The following IL34 variants were observed in gnomAD, a reference collection of about 807,000 sequenced individuals.
IL34 encodes the protein interleukin-34.
Under a neutral mutation model 25.3 loss-of-function variants are expected in IL34, and 17 were observed. The ratio of observed to expected loss-of-function variants is 0.67; its 90% CI spans 0.46 to 1.01. IL34 has a LOEUF of 1.01. Ranked by LOEUF, IL34 falls within the 50% of genes least tolerant of loss-of-function variation. The probability of loss-of-function intolerance (pLI) is 0.00; values close to 1 mark genes in which losing one functional copy is unlikely to be tolerated. For missense variants in IL34, 368 were observed against 312.9 expected (o/e 1.18, Z -1.33); for synonymous variants, 174 against 140.9 (o/e 1.23, Z -1.66).
At chr16:70,626,339 C>T (rs1052621956) in intron 1 of IL34, among the ~76,000 whole-genome samples, 14 of 152,032 alleles carry the variant, frequency 9.2e-5, no homozygotes, top group Non-Finnish European at 1.2e-4. Context: ...AATGTTTAAT[C>T]ATAGGTACCA....
At chr16:70,640,094 A>G (rs1271987309) in intron 1 of IL34, among the ~76,000 whole-genome samples, 1 of 152,212 alleles carries the variant, frequency 6.6e-6, no homozygotes, top group Non-Finnish European at 1.5e-5. Flanking sequence ...ATCATGATCA[A>G]GTATTAGGTA....
chr16:70,641,027 G>A lies in IL34; in HGVS notation c.-400-5521G>A, dbSNP rs888183541. 2.0e-5 allele frequency among the ~76,000 whole-genome samples: 3 copies of A among 152,044 alleles called. No homozygotes were observed. In the South Asian group the frequency reaches 6.2e-4, roughly 31 times the overall value. On this transcript the variant is annotated intron_variant, in intron 1 of 6. Transcript: ENST00000429149. ...TGGCTCACACCTGTAATCCCAGCACGTTGGGAGGCCGAGGCAGGCAGATCA... is the reference window on the plus strand; with the variant it reads ...TGGCTCACACCTGTAATCCCAGCACATTGGGAGGCCGAGGCAGGCAGATCA...
chr16:70,616,646 T>A (rs988963409), intron 1 of IL34, among the ~76,000 whole-genome samples: 1 of 152,128 alleles, frequency 6.6e-6, no homozygotes, highest in African/African-American at 2.4e-5. Context: ...GGCGGTGAAG[T>A]TAAGAGCAAT....
At chr16:70,595,382 G>C (rs1009757692) in intron 1 of IL34, among the ~76,000 whole-genome samples, 6 of 151,738 alleles carry the variant, frequency 4.0e-5, no homozygotes, top group African/African-American at 1.5e-4. Flanking sequence ...ACCCTGGCTG[G>C]AGTACATGAC....
intron 1 of IL34, among the ~76,000 whole-genome samples, chr16:70,618,781 A>T (rs1389615220): frequency 6.6e-6 from 1 of 152,068 alleles, no homozygotes; most frequent in Non-Finnish European, 1.5e-5. Context: ...AGAGATAGGT[A>T]ACAGATGAGG....
intron 1 of IL34, among the ~76,000 whole-genome samples, chr16:70,630,638 A>G (rs1200462626): frequency 6.6e-6 from 1 of 150,444 alleles, no homozygotes; most frequent in Non-Finnish European, 1.5e-5. Context: ...GATCAGTGCA[A>G]TCATGGCTCA....
At chr16:70,645,650 C>T (rs927109513), upstream of IL34, among the ~76,000 whole-genome samples, 6 of 152,192 alleles carry the variant, frequency 3.9e-5, no homozygotes, top group South Asian at 2.1e-4. Context: ...TCTTACAAGC[C>T]GTATGACCTT....
intron 1 of IL34, among the ~76,000 whole-genome samples, chr16:70,614,130 G>T (rs1028019621): frequency 6.6e-6 from 1 of 151,020 alleles, no homozygotes; most frequent in Non-Finnish European, 1.5e-5. Flanking sequence ...GCTGTTGTGA[G>T]CTGTGATCAT....
Position 70,630,207 on chromosome 16 carries a change from T to G in IL34, c.-400-16341T>G, listed in dbSNP as rs143546986. On this transcript the variant is annotated intron_variant, in intron 1 of 6. Transcript: ENST00000429149. ...CTTTTAATGGCTGAATAGTACTCCA[T>G]TCTGTATATGTTCTACATTTTCTTT... Among the ~76,000 whole-genome samples, 582 of 152,354 alleles carry G rather than the reference T, an allele frequency of 3.8e-3. 1 individual carries two copies. The highest frequency in any genetic ancestry group is 5.7e-3 in the Non-Finnish European group (385 of 68,028).
chr16:70,609,675 A>T (rs1783221793), intron 1 of IL34, among the ~76,000 whole-genome samples: 1 of 152,040 alleles, frequency 6.6e-6, no homozygotes, highest in African/African-American at 2.4e-5. Context: ...TACAGCCTGG[A>T]GGTGTATGGC....
intron 1 of IL34, among the ~76,000 whole-genome samples, chr16:70,617,346 A>T (rs1335629395): frequency 6.6e-6 from 1 of 152,228 alleles, no homozygotes; most frequent in Non-Finnish European, 1.5e-5. Flanking sequence ...CAGTTTGGGG[A>T]TAGCACGAGG....
chr16:70,596,626 C>T (rs367813492), intron 1 of IL34, among the ~76,000 whole-genome samples: 119 of 152,306 alleles, frequency 7.8e-4, no homozygotes, highest in Non-Finnish European at 1.3e-3. Context: ...TCTCTGTACC[C>T]GTCCCCCACA....
chr16:70,658,042 C>T (rs529023476), intron 4 of IL34, among the ~76,000 whole-genome samples: 4 of 152,286 alleles, frequency 2.6e-5, no homozygotes, highest in Admixed American at 2.0e-4. Flanking sequence ...GCCGTGTGTG[C>T]GGTGGGACCT....
At chr16:70,592,815 C>A in intron 1 of IL34, among the ~76,000 whole-genome samples, 1 of 151,874 alleles carries the variant, frequency 6.6e-6, no homozygotes, top group South Asian at 2.1e-4. Flanking sequence ...CCACCATGCC[C>A]AGCTAATTTT....
At chr16:70,587,546 C>T (rs1173943478) in intron 1 of IL34, among the ~76,000 whole-genome samples, 1 of 151,950 alleles carries the variant, frequency 6.6e-6, no homozygotes, top group East Asian at 1.9e-4. Flanking sequence ...GCTGGGATTA[C>T]AGGTGTGAGC....
Position 70,657,040 on chromosome 16 carries a change from C to T in IL34, c.321C>T (p.Asp107=), listed in dbSNP as rs368553371. The change falls in exon 4 of 6, where the codon GAC becomes GAT. Residue 107 remains aspartate (D), a synonymous_variant. Coordinates refer to ENST00000288098, the MANE Select transcript of IL34 (RefSeq NM_001393494.1). ...TCAGTGCCACTGAGTCGGTGCAGGA[C>T]GTGCTGCTCGAGGGCCACCCATCCT... ...VSLSATESVQ[D]VLLEGHPSWK... 4.6e-5 allele frequency: 74 copies of T among 1,612,712 alleles called. No individual in the cohort carries two copies. The Middle Eastern group carries it at 7.9e-4, about 17-fold the overall frequency.
chr16:70,641,130 C>T (rs751932862), intron 1 of IL34, among the ~76,000 whole-genome samples: 4 of 151,916 alleles, frequency 2.6e-5, no homozygotes, highest in Admixed American at 6.6e-5. Flanking sequence ...AAAAATCAGC[C>T]GGAAGTGGTG....
intron 1 of IL34, among the ~76,000 whole-genome samples, chr16:70,636,423 G>C (rs952426954): frequency 6.6e-6 from 1 of 152,100 alleles, no homozygotes; most frequent in Non-Finnish European, 1.5e-5. Context: ...AGGAAACTTT[G>C]TATCACTAGC....
rs1357975656 is a variant in IL34 at position 70,636,591 on chromosome 16, A to T, written c.-400-9957A>T. On this transcript the variant is annotated intron_variant, in intron 1 of 6. Transcript: ENST00000429149. ...GACAACATAGCAAACCCTGTCACAC[A>T]CACACACACACACACACACACACAC... Among the ~76,000 whole-genome samples the T allele has an allele frequency of 5.0e-3, 290 of 58,176 alleles. 7 individuals carry two copies. The East Asian group carries it at 0.1, about 21-fold the overall frequency. 38.2% of individuals were successfully genotyped at this position (58,176 alleles called of 152,430 possible).
Sources: allele counts gnomAD v4.1 joint callset (sites outside exome capture counted in the v4.1 genomes callset), GRCh38; gene constraint gnomAD v4.1.1; transcripts MANE v1.5; gene names NCBI Gene and HGNC (gene_info 2026-07-23, HGNC 2026-07-21).